PIK3R6: variants seen among roughly 807,000 people sequenced by gnomAD.
PIK3R6 encodes phosphoinositide-3-kinase regulatory subunit 6.
A neutral mutation model predicts 84.9 loss-of-function variants in PIK3R6; 91 were observed. The ratio of observed to expected loss-of-function variants is 1.07; its 90% CI spans 0.90 to 1.28. The LOEUF is 1.28. Ranked by LOEUF, PIK3R6 falls within the 50% of genes most tolerant of loss-of-function variation. PIK3R6 has a pLI of 0.00. For synonymous variants in PIK3R6, 416 were observed against 411.4 expected (o/e 1.01, Z -0.13); for missense variants, 996 against 985.1 (o/e 1.01, Z -0.15).
intron 18 of PIK3R6, among the ~76,000 whole-genome samples, chr17:8,805,225 G>A (rs1316395544): frequency 6.6e-6 from 1 of 152,178 alleles, no homozygotes; most frequent in Admixed American, 6.5e-5. Context: ...GTGACCTTAA[G>A]CATGTTTCTT....
chr17:8,821,852 T>C lies in PIK3R6; in HGVS notation c.1873A>G (p.Thr625Ala), dbSNP rs1416812845. The change falls in exon 17 of 20, where the codon ACA (threonine) becomes GCA (alanine). Residue 625 changes from threonine (T) to alanine (A), a missense_variant. Transcript: ENST00000619866. ...LILKAIPASD[T>A]EVSGSSHCPL... ...TGCATTCCCCATTCCTCACCTTCTG[T>C]GTCGCTGGCTGGAATGGCCTTCAGG... The C allele has an allele frequency of 1.3e-6, 2 of 1,593,702 alleles. No individual in the cohort carries two copies. The highest frequency in any genetic ancestry group is 1.1e-5 in the South Asian group (1 of 87,476).
At position 8,815,171 on chromosome 17, in the gene PIK3R6, C is replaced by T. The variant is rs181270187; in HGVS notation, c.1995+3912G>A. 5.6e-4 allele frequency among the ~76,000 whole-genome samples: 86 copies of T among 152,266 alleles called. 1 individual carries two copies. Among genetic ancestry groups the T allele is most frequent in the African/African-American group, 1.9e-3 (79 of 41,542 alleles). ...TTTGATTTAATAATTAAACTTCATA[C>T]TTTATATATTCTATAGATAGAAAAC... On this transcript the variant is annotated intron_variant, in intron 18 of 19. Coordinates refer to ENST00000619866, the MANE Select transcript of PIK3R6 (RefSeq NM_001010855.4).
intron 2 of PIK3R6, among the ~76,000 whole-genome samples, chr17:8,849,001 G>C (rs150307075): frequency 1.3e-5 from 2 of 152,120 alleles, no homozygotes; most frequent in African/African-American, 4.8e-5. Flanking sequence ...TTGACTTTCC[G>C]GGTGACCAAT....
intron 2 of PIK3R6, 57 bp downstream of exon 2, chr17:8,849,725 G>A (rs1597431566): frequency 1.3e-6 from 2 of 1,561,506 alleles, no homozygotes; most frequent in South Asian, 1.2e-5. Context: ...CCCATGAGAA[G>A]GGCCTTCCCC....
At chr17:8,858,204 T>G (rs999958879) in intron 1 of PIK3R6, among the ~76,000 whole-genome samples, 1 of 151,546 alleles carries the variant, frequency 6.6e-6, no homozygotes, top group African/African-American at 2.4e-5. Flanking sequence ...TTAAAATGCA[T>G]CAACATCAAA....
In PIK3R6 at chr17:8,838,971, C is replaced by T. The variant is rs113426092; in HGVS notation, c.98-316G>A. ...CAGCAGTGCTTGCAGGTGTGTGCTC[C>T]GAGCCACATTCTGGAAGTCCTGCAG... is the stretch of plus-strand genomic sequence containing the variant. On this transcript the variant is annotated intron_variant, in intron 3 of 19. Transcript: ENST00000619866. Among the ~76,000 whole-genome samples, 13 of 152,248 alleles carry T rather than the reference C, an allele frequency of 8.5e-5. No homozygotes were observed. The East Asian group carries it at 1.5e-3, about 18-fold the overall frequency.
chr17:8,864,540 T>C (rs2151325790), intron 1 of PIK3R6, among the ~76,000 whole-genome samples: 1 of 135,818 alleles, frequency 7.4e-6, no homozygotes, highest in East Asian at 2.1e-4. Context: ...TTTTTTTTTT[T>C]TTTTTTTTTT....
At chr17:8,829,611 GACACACGCATGCACACTGAC>G (rs2065902851) in intron 10 of PIK3R6, 75 bp downstream of exon 10, 1 of 1,221,892 alleles carries the variant, frequency 8.2e-7, no homozygotes, top group African/African-American at 1.8e-5. Flanking sequence ...TACACACACT[GACACACGCATGCACACTGAC>G]ACACACTCAT....
At chr17:8,829,620 A>G in intron 10 of PIK3R6, 86 bp downstream of exon 10, 1 of 1,340,734 alleles carries the variant, frequency 7.5e-7, no homozygotes, top group Non-Finnish European at 1.0e-6. Flanking sequence ...TGACACACGC[A>G]TGCACACTGA....
In PIK3R6 at chr17:8,829,746, G is replaced by A; in HGVS notation, c.849C>T (p.Pro283=). ...ERPPSIPLPS[P]YITFHLWTGE... ...CGGTCCACAAGTGGAAGGTGATGTAGGGGCTGGGCAGGGGAATGCTTGGTG... is the reference window on the plus strand; with the variant it reads ...CGGTCCACAAGTGGAAGGTGATGTAAGGGCTGGGCAGGGGAATGCTTGGTG... Residue 283 remains proline, a synonymous_variant, in exon 10 of 20, where the codon CCC becomes CCT. Transcript: ENST00000619866. The A allele has an allele frequency of 6.4e-7, 1 of 1,553,808 alleles. No homozygotes were observed.
chr17:8,838,497 G>T (rs1448575067), intron 4 of PIK3R6, 67 bp downstream of exon 4: 1 of 1,434,154 alleles, frequency 7.0e-7, no homozygotes, highest in Admixed American at 2.0e-5. Context: ...CCAGGACTGA[G>T]CCCCTGCCCA....
intron 18 of PIK3R6, among the ~76,000 whole-genome samples, chr17:8,812,122 C>A (rs1042246140): frequency 6.6e-6 from 1 of 152,170 alleles, no homozygotes; most frequent in African/African-American, 2.4e-5. Flanking sequence ...TGCAGGGAAA[C>A]TCCTTCTTAT....
Position 8,827,281 on chromosome 17 carries a change from G to C in PIK3R6, c.1406C>G (p.Ser469Cys), listed in dbSNP as rs2087953017. ...PVLAPEKPAA[S>C]RQPELGELAT... The stretch of plus-strand genomic sequence containing the variant: ...CAGCTCTCCCAGCTCCGGCTGCCTG[G>C]ATGCTGCAGGCTTCTGGGGGAAAGG... The change falls in exon 13 of 20, where the codon TCC (serine) becomes TGC (cysteine). Residue 469 changes from serine to cysteine, a missense_variant. Coordinates refer to ENST00000619866, the MANE Select transcript of PIK3R6 (RefSeq NM_001010855.4). The C allele has an allele frequency of 6.4e-7, 1 of 1,556,890 alleles. No homozygotes were observed. Among genetic ancestry groups the C allele is most frequent in the African/African-American group, 1.4e-5 (1 of 73,286 alleles).
intron 13 of PIK3R6, among the ~76,000 whole-genome samples, chr17:8,826,619 G>C (rs1597395187): frequency 6.6e-6 from 1 of 152,210 alleles, no homozygotes; most frequent in East Asian, 1.9e-4. Context: ...ACACACCGGG[G>C]CCTGTCTGGG....
rs889298450 is a variant in PIK3R6 at position 8,832,903 on chromosome 17, G to C, written c.788C>G (p.Ala263Gly). 6.2e-7 allele frequency: 1 copy of C among 1,612,722 alleles called. No homozygotes were observed. Residue 263 changes from alanine to glycine, a missense_variant, in exon 9 of 20, where the codon GCG becomes GGG. By Grantham distance (60) the Ala-to-Gly change is moderately conservative. Coordinates refer to ENST00000619866, the MANE Select transcript of PIK3R6 (RefSeq NM_001010855.4). The part of the protein sequence containing the change: ...EIYCSLLGPA[A>G]GRCGGDLVQE... Reference sequence around the variant, plus strand: ...CAGTCGCTTACCACCGCAGCGCCCCGCCGCGGGACCCAGCAGCGAGCAGTA... The same window carrying C: ...CAGTCGCTTACCACCGCAGCGCCCCCCCGCGGGACCCAGCAGCGAGCAGTA...
chr17:8,838,760 C>G, intron 3 of PIK3R6, 105 bp from the exon 4 acceptor site: 1 of 1,123,652 alleles, frequency 8.9e-7, no homozygotes, highest in Non-Finnish European at 1.3e-6. Context: ...GCAGCTCTGA[C>G]CAGCCACGGG....
Position 8,839,149 on chromosome 17 carries a change from A to T in PIK3R6, c.97+465T>A, listed in dbSNP as rs1182222784. ...GGTCACTTGCGGTCAGGAGTTCGAG[A>T]CCAACCTGGCCAACATGGTGAAACT... is the stretch of plus-strand genomic sequence containing the variant. On this transcript the variant is annotated intron_variant, in intron 3 of 19. Coordinates refer to ENST00000619866, the MANE Select transcript of PIK3R6 (RefSeq NM_001010855.4). This position sits in a 1 kb window ranked among gnomAD's most constrained non-coding sequence, Gnocchi z 4.2. Among the ~76,000 whole-genome samples the T allele has an allele frequency of 1.3e-5, 2 of 152,066 alleles. No individual in the cohort carries two copies. Among genetic ancestry groups the T allele is most frequent in the East Asian group, 3.9e-4 (2 of 5,170 alleles).
Position 8,804,257 on chromosome 17 carries a change from T to C in PIK3R6, c.1996-104A>G, listed in dbSNP as rs933022825. 22 of 919,242 alleles carry C rather than the reference T, an allele frequency of 2.4e-5. No individual in the cohort carries two copies. In the South Asian group the frequency reaches 3.2e-4, roughly 14 times the overall value. 56.9% of individuals were successfully genotyped at this position (919,242 alleles called of 1,614,324 possible). A position where few individuals can be genotyped will look rare whatever the true frequency, so the allele number is the denominator to read the frequency against. On this transcript the variant is annotated intron_variant, in intron 18 of 19. Coordinates refer to ENST00000619866, the MANE Select transcript of PIK3R6 (RefSeq NM_001010855.4). ...TGGTGTATTTCTTCAGTCCAGCACA[T>C]GGGGTCCCCAGCTCTCCTCCTGCAA...
intron 16 of PIK3R6, 120 bp from the exon 17 acceptor site, chr17:8,822,056 T>C (rs2087752097): frequency 1.9e-5 from 9 of 463,952 alleles, no homozygotes; most frequent in East Asian, 4.7e-5. Flanking sequence ...GAGAGTCTTT[T>C]TTTTTTTTTT....
Sources: allele counts gnomAD v4.1 joint callset (sites outside exome capture counted in the v4.1 genomes callset), GRCh38; gene constraint gnomAD v4.1.1; non-coding constraint Gnocchi (gnomAD v3.1); transcripts MANE v1.5; gene names NCBI Gene and HGNC (gene_info 2026-07-23, HGNC 2026-07-21).